Variants in TAFA1 observed in about 807,000 individuals in gnomAD.
TAFA1 encodes the protein chemokine-like protein TAFA-1.
In TAFA1, 4 loss-of-function variants were observed where a neutral mutation model predicts 18.5. The observed-to-expected ratio is 0.22, with a 90% confidence interval of 0.11 to 0.49. The LOEUF is 0.49. Among genes scored for constraint, TAFA1 ranks in the 20% least tolerant of loss-of-function variants. The probability of loss-of-function intolerance (pLI) is 0.98; values close to 1 mark genes in which losing one functional copy is unlikely to be tolerated. For missense variants in TAFA1, 147 were observed against 169.0 expected (o/e 0.87, Z 0.72); for synonymous variants, 56 against 55.2 (o/e 1.01, Z -0.06).
intron 3 of TAFA1, among the ~76,000 whole-genome samples, chr3:68,453,386 A>T (rs569974949): frequency 4.6e-5 from 7 of 152,206 alleles, no homozygotes; most frequent in Non-Finnish European, 1.0e-4. Context: ...GTCACTTTTC[A>T]TTCCTGTTCT....
chr3:68,000,817 G>A (rs1338467958), upstream of TAFA1, among the ~76,000 whole-genome samples: 1 of 152,162 alleles, frequency 6.6e-6, no homozygotes, highest in Non-Finnish European at 1.5e-5. Context: ...GCATAAACAG[G>A]AAGTAGAATT....
intron 3 of TAFA1, among the ~76,000 whole-genome samples, chr3:68,487,848 A>C (rs1310471808): frequency 6.7e-6 from 1 of 149,490 alleles, no homozygotes; most frequent in Non-Finnish European, 1.5e-5. Context: ...TTACACATTC[A>C]TCATATTGAA....
intron 2 of TAFA1, among the ~76,000 whole-genome samples, chr3:68,350,706 C>T (rs544060401): frequency 1.2e-4 from 19 of 152,152 alleles, no homozygotes; most frequent in African/African-American, 3.4e-4. Flanking sequence ...ATTACATGTA[C>T]GAACATACAT....
At chr3:68,193,391 G>GT (rs2066372932) in intron 2 of TAFA1, among the ~76,000 whole-genome samples, 2 of 151,896 alleles carry the variant, frequency 1.3e-5, no homozygotes, top group South Asian at 4.1e-4. Context: ...AAAGGAAGAA[G>GT]TTCAATAGAA....
intron 2 of TAFA1, among the ~76,000 whole-genome samples, chr3:68,178,010 G>C (rs113434043): frequency 0.019 from 2,883 of 152,170 alleles, 94 homozygotes; most frequent in African/African-American, 0.065. Context: ...CTGGTGTGGT[G>C]GTGGGCGCCT....
intron 2 of TAFA1, among the ~76,000 whole-genome samples, chr3:68,384,856 G>A (rs1435482624): frequency 2.6e-5 from 4 of 152,034 alleles, no homozygotes; most frequent in African/African-American, 9.7e-5. Flanking sequence ...CTTCTGCATT[G>A]AGTGTATATA....
At chr3:68,443,759 A>G (rs1474477295) in intron 3 of TAFA1, among the ~76,000 whole-genome samples, 7 of 152,180 alleles carry the variant, frequency 4.6e-5, no homozygotes, top group African/African-American at 1.4e-4. Context: ...TTACATATCA[A>G]GATGATATTT....
At chr3:68,407,461 TTGAAA>T (rs1259311233) in intron 2 of TAFA1, among the ~76,000 whole-genome samples, 11 of 152,118 alleles carry the variant, frequency 7.2e-5, no homozygotes, top group Non-Finnish European at 5.9e-5. Flanking sequence ...AGGACAAGAA[TTGAAA>T]TGAAATAAGG....
intron 3 of TAFA1, among the ~76,000 whole-genome samples, chr3:68,537,053 G>A (rs908829420): frequency 6.6e-6 from 1 of 152,116 alleles, no homozygotes; most frequent in Admixed American, 6.6e-5. Flanking sequence ...AATGCTTGGT[G>A]GATAAATTTG....
At position 68,404,443 on chromosome 3, in the gene TAFA1, T is replaced by A. The variant is rs536345911; in HGVS notation, c.119-12837T>A. On this transcript the variant is annotated intron_variant, in intron 2 of 4. Coordinates refer to ENST00000478136, the MANE Select transcript of TAFA1 (RefSeq NM_213609.4). ...TATTTAGGAGGTGGTTAGTAAGTGG[T>A]CCATAGATGAAAGTAAAATCTAACA... is the stretch of plus-strand genomic sequence containing the variant. 5.9e-5 allele frequency among the ~76,000 whole-genome samples: 9 copies of A among 152,222 alleles called. No individual in the cohort carries two copies. In the South Asian group the frequency reaches 1.9e-3, roughly 32 times the overall value.
chr3:68,390,416 C>G (rs1270672612), intron 2 of TAFA1, among the ~76,000 whole-genome samples: 2 of 152,202 alleles, frequency 1.3e-5, no homozygotes, highest in Non-Finnish European at 2.9e-5. Flanking sequence ...GAAGGGGCAG[C>G]TGTGGGGACA....
intron 2 of TAFA1, among the ~76,000 whole-genome samples, chr3:68,259,555 A>C (rs986746142): frequency 3.4e-4 from 51 of 152,064 alleles, no homozygotes; most frequent in African/African-American, 1.0e-3. Context: ...GATATTGATT[A>C]TTCCTACCCA....
chr3:68,110,886 C>T (rs1219449692), intron 2 of TAFA1, among the ~76,000 whole-genome samples: 1 of 152,136 alleles, frequency 6.6e-6, no homozygotes, highest in African/African-American at 2.4e-5. Flanking sequence ...ACCCTTTCTG[C>T]TTTGGTCTGG....
At chr3:68,456,042 C>T (rs12485360) in intron 3 of TAFA1, among the ~76,000 whole-genome samples, 60,724 of 151,940 alleles carry the variant, frequency 0.4, 12,858 homozygotes, top group Non-Finnish European at 0.44. Context: ...TCTGGGTAGC[C>T]AGGAGCATTG....
At chr3:68,031,955 T>C (rs1057295264) in intron 2 of TAFA1, among the ~76,000 whole-genome samples, 2 of 152,320 alleles carry the variant, frequency 1.3e-5, no homozygotes, top group Non-Finnish European at 1.5e-5. Context: ...AATCTTCTTA[T>C]AGTTTTTCCT....
intron 2 of TAFA1, among the ~76,000 whole-genome samples, chr3:68,159,815 T>G (rs1403563725): frequency 6.6e-6 from 1 of 152,158 alleles, no homozygotes; most frequent in Non-Finnish European, 1.5e-5. Flanking sequence ...GGCACCAAAC[T>G]AGCACATGGA....
At chr3:68,536,970 C>T (rs2073287379) in intron 3 of TAFA1, among the ~76,000 whole-genome samples, 2 of 152,092 alleles carry the variant, frequency 1.3e-5, no homozygotes, top group African/African-American at 4.8e-5. Context: ...TTCTTTTGTA[C>T]TTTCAGTCAA....
intron 2 of TAFA1, among the ~76,000 whole-genome samples, chr3:68,361,683 C>T (rs1429767342): frequency 6.6e-6 from 1 of 151,666 alleles, no homozygotes; most frequent in East Asian, 1.9e-4. Context: ...AACTGTAACC[C>T]AACAGAACTG....
chr3:68,439,441 A>ATATATATATATG (rs1368084224), intron 3 of TAFA1, among the ~76,000 whole-genome samples: 1 of 128,708 alleles, frequency 7.8e-6, no homozygotes, highest in Non-Finnish European at 1.7e-5. Flanking sequence ...ATATATATAT[A>ATATATATATATG]TATGAGTTTA....
Sources: gnomAD v4.1 joint callset for allele counts (sites outside exome capture counted in the v4.1 genomes callset) on GRCh38, gnomAD v4.1.1 for gene constraint, MANE v1.5 for transcripts, NCBI Gene and HGNC (gene_info 2026-07-23, HGNC 2026-07-21) for gene names.